Variants in TMEM117 observed in about 807,000 individuals in gnomAD.
TMEM117 encodes transmembrane protein 117.
A neutral mutation model predicts 52.4 loss-of-function variants in TMEM117; 27 were observed. The ratio of observed to expected loss-of-function variants is 0.51; its 90% CI spans 0.38 to 0.71. The LOEUF is 0.71. Ranked by LOEUF, TMEM117 falls within the 30% of genes least tolerant of loss-of-function variation. The probability of loss-of-function intolerance (pLI) is 0.00; values close to 1 mark genes in which losing one functional copy is unlikely to be tolerated. For missense variants in TMEM117, 556 were observed against 630.5 expected (o/e 0.88, Z 1.26); for synonymous variants, 215 against 206.3 (o/e 1.04, Z -0.36).
intron 4 of TMEM117, among the ~76,000 whole-genome samples, chr12:44,198,257 A>G (rs1366480581): frequency 2.6e-5 from 4 of 152,198 alleles, no homozygotes; most frequent in Non-Finnish European, 4.4e-5. Context: ...GTAAAACTAC[A>G]TACATACATC....
intron 2 of TMEM117, among the ~76,000 whole-genome samples, chr12:43,912,531 A>ATATATATATATG (rs1565747582): frequency 8.7e-6 from 1 of 115,490 alleles, no homozygotes; most frequent in African/African-American, 2.9e-5. Flanking sequence ...ATATATATAT[A>ATATATATATATG]TATATGGCAG....
At chr12:44,164,376 G>A (rs1417004094) in intron 4 of TMEM117, among the ~76,000 whole-genome samples, 1 of 151,992 alleles carries the variant, frequency 6.6e-6, no homozygotes, top group Non-Finnish European at 1.5e-5. Flanking sequence ...CCCTTCCCCT[G>A]AGTCCCCAAA....
rs116318950 is a variant in TMEM117, at chr12:44,215,093, G to A, written c.608+3706G>A. On this transcript the variant is annotated intron_variant, in intron 5 of 7. Transcript: ENST00000266534. ...ATTTTGCTTTAGTTAAGGAAAGAGC[G>A]ATTAGTGTGAAAAAAAATGTATGGT... Among the ~76,000 whole-genome samples, 1,247 of 152,194 alleles carry A rather than the reference G, an allele frequency of 8.2e-3. 13 individuals are homozygous for A. The highest frequency in any genetic ancestry group is 0.029 in the African/African-American group (1,187 of 41,526).
At chr12:44,181,111 G>A (rs1035152553) in intron 4 of TMEM117, among the ~76,000 whole-genome samples, 2 of 151,966 alleles carry the variant, frequency 1.3e-5, no homozygotes, top group African/African-American at 2.4e-5. Context: ...CAGTGATGAT[G>A]AGCATTTTTT....
At chr12:43,923,556 T>C (rs1362590189) in intron 2 of TMEM117, among the ~76,000 whole-genome samples, 2 of 152,170 alleles carry the variant, frequency 1.3e-5, no homozygotes, top group Non-Finnish European at 2.9e-5. Context: ...TATTACTTCT[T>C]CCAGGCACTA....
intron 6 of TMEM117, among the ~76,000 whole-genome samples, chr12:44,361,636 T>C (rs1490005834): frequency 6.6e-6 from 1 of 152,174 alleles, no homozygotes; most frequent in Non-Finnish European, 1.5e-5. Context: ...TGCTAAGGAC[T>C]GAGAGAGACA....
chr12:44,186,893 A>G (rs886657259), intron 4 of TMEM117, among the ~76,000 whole-genome samples: 3 of 152,188 alleles, frequency 2.0e-5, no homozygotes, highest in African/African-American at 7.2e-5. Context: ...GCACATTAAC[A>G]TTTAAATTCT....
intron 4 of TMEM117, among the ~76,000 whole-genome samples, chr12:44,189,171 C>T (rs1949318952): frequency 1.3e-5 from 2 of 152,102 alleles, no homozygotes; most frequent in Admixed American, 1.3e-4. Flanking sequence ...TTTCTTTTAA[C>T]TATATGTTTA....
intron 3 of TMEM117, among the ~76,000 whole-genome samples, chr12:43,973,118 C>G (rs1945617659): frequency 6.6e-6 from 1 of 152,190 alleles, no homozygotes; most frequent in Non-Finnish European, 1.5e-5. Flanking sequence ...AGGGAACTCT[C>G]TGCTTTTAAT....
At position 44,378,542 on chromosome 12, in the gene TMEM117, A is replaced by G. The variant is rs549538834; in HGVS notation, c.898+1818A>G. Among the ~76,000 whole-genome samples the G allele has an allele frequency of 1.5e-4, 23 of 152,332 alleles. No individual in the cohort carries two copies. In the South Asian group the frequency reaches 3.7e-3, roughly 25 times the overall value. On this transcript the variant is annotated intron_variant, in intron 7 of 7. Transcript: ENST00000266534. ...CTACTGTGCATTTAGATAGAAGCAG[A>G]TACATGACTTCCATTTGAACTAAAA...
intron 5 of TMEM117, among the ~76,000 whole-genome samples, chr12:44,222,586 G>C (rs1949803309): frequency 6.6e-6 from 1 of 152,136 alleles, no homozygotes; most frequent in African/African-American, 2.4e-5. Flanking sequence ...AGGGGAATAA[G>C]ATCCTTGCTG....
chr12:44,158,576 A>G (rs1749005883), intron 4 of TMEM117, among the ~76,000 whole-genome samples: 1 of 152,162 alleles, frequency 6.6e-6, no homozygotes, highest in African/African-American at 2.4e-5. Context: ...CAGCTGAGAG[A>G]CAATTTTTAA....
chr12:44,330,152 A>G (rs1280292663), intron 6 of TMEM117, among the ~76,000 whole-genome samples: 1 of 151,748 alleles, frequency 6.6e-6, no homozygotes, highest in Non-Finnish European at 1.5e-5. Flanking sequence ...CCTCTCCAAC[A>G]CTGTTATTTT....
intron 6 of TMEM117, among the ~76,000 whole-genome samples, chr12:44,311,347 C>A (rs1317831013): frequency 6.6e-6 from 1 of 151,998 alleles, no homozygotes; most frequent in East Asian, 1.9e-4. Context: ...ACATATATCT[C>A]AGTTTTATAA....
intron 5 of TMEM117, among the ~76,000 whole-genome samples, chr12:44,267,926 G>A (rs1950398705): frequency 2.0e-5 from 3 of 152,172 alleles, no homozygotes; most frequent in African/African-American, 7.2e-5. Context: ...TTGTTTCTAT[G>A]TCTCAGCTAC....
downstream of TMEM117, among the ~76,000 whole-genome samples, chr12:44,391,278 A>G (rs1952160529): frequency 6.6e-6 from 1 of 152,172 alleles, no homozygotes; most frequent in Non-Finnish European, 1.5e-5. Flanking sequence ...ACACTTAGAC[A>G]TAAATCTCAT....
At chr12:43,864,121 G>A (rs1943539962) in intron 2 of TMEM117, among the ~76,000 whole-genome samples, 1 of 152,192 alleles carries the variant, frequency 6.6e-6, no homozygotes, top group Non-Finnish European at 1.5e-5. Context: ...GGCTTTAGCT[G>A]CCTCCCTGGG....
At chr12:43,990,698 C>T (rs1945923679) in intron 3 of TMEM117, among the ~76,000 whole-genome samples, 2 of 152,010 alleles carry the variant, frequency 1.3e-5, no homozygotes, top group Admixed American at 6.6e-5. Context: ...TTCAGTATGT[C>T]CCTGTGAGGT....
chr12:43,840,654 G>T (rs1943103085), intron 1 of TMEM117, among the ~76,000 whole-genome samples: 1 of 152,178 alleles, frequency 6.6e-6, no homozygotes, highest in Non-Finnish European at 1.5e-5. Context: ...GCCCAGTATT[G>T]TGCTGTGCCC....
Sources: gnomAD v4.1 joint callset for allele counts (sites outside exome capture counted in the v4.1 genomes callset) on GRCh38, gnomAD v4.1.1 for gene constraint, MANE v1.5 for transcripts, NCBI Gene and HGNC (gene_info 2026-07-23, HGNC 2026-07-21) for gene names.